The following DUSP22 variants were observed in gnomAD, a reference collection of about 807,000 sequenced individuals.
DUSP22 encodes dual specificity protein phosphatase 22.
Under a neutral mutation model 24.5 loss-of-function variants are expected in DUSP22, and 24 were observed. The ratio of observed to expected loss-of-function variants is 0.98; its 90% confidence interval spans 0.71 to 1.38. The LOEUF (loss-of-function observed/expected upper bound fraction) is 1.38, where lower values mean the gene tolerates loss of function less well. DUSP22 is among the 40% of genes most tolerant of loss of function. The pLI, the probability that DUSP22 is intolerant of heterozygous loss-of-function variation, is 0.00. For synonymous variants in DUSP22, 160 were observed against 106.4 expected, an observed-to-expected ratio of 1.50 and a Z score of -3.10; for missense variants, 330 against 269.2, an observed-to-expected ratio of 1.23 and a Z score of -1.58.
At chr6:301,756 A>G (rs1441378176) in intron 1 of DUSP22, among the ~76,000 whole-genome samples, 1 of 152,294 alleles carries the variant, frequency 6.6e-6, no homozygotes, top group African/African-American at 2.4e-5. Flanking sequence ...AGGTGGCACC[A>G]TCAGGGGCAG....
At position 350,140 on chromosome 6, in the gene DUSP22, T is replaced by G. The variant is rs1760122587; in HGVS notation, c.*1189T>G. On this transcript the variant is annotated 3_prime_UTR_variant, in exon 7 of 7. Transcript: ENST00000419235. ...GTGTTTTTTGGTATGCAAGTCAGCTTTGCCTCACAGTTGAAAATGTTCGGT... is the reference window on the plus strand; with the variant it reads ...GTGTTTTTTGGTATGCAAGTCAGCTGTGCCTCACAGTTGAAAATGTTCGGT... 5.1e-6 allele frequency: 5 copies of G among 986,186 alleles called. No homozygotes were observed. The highest frequency in any genetic ancestry group is 6.0e-6 in the Non-Finnish European group (5 of 830,470). The allele number at this position is 986,186 out of a possible 1,614,324, so 61.1% of individuals were successfully genotyped here. A position where few individuals can be genotyped will look rare whatever the true frequency, so the allele number is the denominator to read the frequency against.
chr6:338,607 G>A (rs575641912), intron 4 of DUSP22, among the ~76,000 whole-genome samples: 8 of 152,412 alleles, frequency 5.2e-5, no homozygotes, highest in Admixed American at 4.6e-4. Context: ...ACTGTGTTCT[G>A]CAGGACCTAA....
At chr6:327,210 GC>G (rs1411072918) in intron 3 of DUSP22, among the ~76,000 whole-genome samples, 2 of 152,306 alleles carry the variant, frequency 1.3e-5, no homozygotes, top group African/African-American at 2.4e-5. Flanking sequence ...GGGCTGGGTA[GC>G]CCCCAGTTTA....
intron 4 of DUSP22, among the ~76,000 whole-genome samples, chr6:344,641 G>T (rs939814932): frequency 1.6e-4 from 25 of 152,406 alleles, no homozygotes; most frequent in Admixed American, 1.6e-3. Flanking sequence ...TACCTCATCT[G>T]CCCTGTGAGA....
intron 1 of DUSP22, among the ~76,000 whole-genome samples, chr6:293,273 G>C (rs1757178415): frequency 6.6e-6 from 1 of 152,290 alleles, no homozygotes; most frequent in Non-Finnish European, 1.5e-5. Context: ...CGGGCGGTGG[G>C]CTAGCCTTTC....
chr6:300,094 A>G (rs2127390286), intron 1 of DUSP22, among the ~76,000 whole-genome samples: 1 of 152,420 alleles, frequency 6.6e-6, no homozygotes, highest in Non-Finnish European at 1.5e-5. Context: ...CAGCCCACAG[A>G]TGGGTTTAGT....
At chr6:319,730 G>A (rs1051620532) in intron 3 of DUSP22, among the ~76,000 whole-genome samples, 1 of 152,304 alleles carries the variant, frequency 6.6e-6, no homozygotes, top group African/African-American at 2.4e-5. Flanking sequence ...TGTTTGACCT[G>A]GAATGGTTTT....
intron 2 of DUSP22, among the ~76,000 whole-genome samples, chr6:309,711 CACACACATACT>C (rs1757983009): frequency 2.7e-5 from 1 of 37,140 alleles, no homozygotes; most frequent in African/African-American, 1.2e-4. Flanking sequence ...CACACACACA[CACACACATACT>C]ATAAAGAAGG....
chr6:326,009 T>C, intron 3 of DUSP22: 1 of 227,790 alleles, frequency 4.4e-6, no homozygotes, highest in Non-Finnish European at 8.4e-6. Context: ...TGGAGAGTCA[T>C]CTGCCCTGGG....
rs201371122 is a variant in DUSP22 at position 322,831 on chromosome 6, GGGGC to G, written c.138+10873_138+10876del. Among the ~76,000 whole-genome samples the G allele has an allele frequency of 2.4e-3, 266 of 108,840 alleles. 1 individual carries two copies. Among genetic ancestry groups the G allele is most frequent in the Non-Finnish European group, 4.4e-3 (214 of 48,712 alleles). 71.4% of individuals were successfully genotyped at this position (108,840 alleles called of 152,430 possible). A position where few individuals can be genotyped will look rare whatever the true frequency, so the allele number is the denominator to read the frequency against. ...ATTCCGTGGGTTATGGCTGCTTGGT[GGGGC>G]GGGGGGGGGCCTTCGAGTCTGCAAT... On this transcript the variant is annotated intron_variant, in intron 3 of 6. Transcript: ENST00000419235.
chr6:346,567 T>C (rs982899475), intron 5 of DUSP22, among the ~76,000 whole-genome samples: 3 of 152,306 alleles, frequency 2.0e-5, no homozygotes, highest in African/African-American at 7.2e-5. Flanking sequence ...GATGGCATTT[T>C]TATGACCACT....
At chr6:304,941 A>G (rs1276762031) in intron 2 of DUSP22, among the ~76,000 whole-genome samples, 2 of 152,312 alleles carry the variant, frequency 1.3e-5, no homozygotes, top group East Asian at 1.9e-4. Flanking sequence ...TAGTGAAATC[A>G]TGCAGTATTT....
intron 4 of DUSP22, among the ~76,000 whole-genome samples, chr6:344,765 T>TG (rs1461112800): frequency 1.3e-5 from 2 of 152,304 alleles, no homozygotes; most frequent in African/African-American, 2.4e-5. Flanking sequence ...AGCTCTCCAC[T>TG]GAGCTGCAGA....
intron 2 of DUSP22, among the ~76,000 whole-genome samples, chr6:309,385 T>G (rs1221710636): frequency 6.6e-6 from 1 of 152,292 alleles, no homozygotes; most frequent in African/African-American, 2.4e-5. Flanking sequence ...TTAGGCAAAA[T>G]ACTTGAAAAC....
At chr6:328,236 C>A (rs1242342222) in intron 3 of DUSP22, among the ~76,000 whole-genome samples, 1 of 152,412 alleles carries the variant, frequency 6.6e-6, no homozygotes, top group East Asian at 1.9e-4. Flanking sequence ...TCATGAGTCA[C>A]AATTGTGTAC....
intron 3 of DUSP22, among the ~76,000 whole-genome samples, chr6:321,352 C>T (rs1448947274): frequency 1.9e-4 from 29 of 152,406 alleles, no homozygotes; most frequent in African/African-American, 6.3e-4. Flanking sequence ...TAAGCAGAGA[C>T]CCAGCAAAGA....
At chr6:317,255 GC>G (rs1434846281) in intron 3 of DUSP22, among the ~76,000 whole-genome samples, 1 of 152,300 alleles carries the variant, frequency 6.6e-6, no homozygotes, top group Admixed American at 6.5e-5. Flanking sequence ...TCAGTGCCCA[GC>G]GGCCACGTGG....
At position 339,164 on chromosome 6, in the gene DUSP22, A is replaced by C. The variant is rs569707997; in HGVS notation, c.188+4001A>C. 2.0e-5 allele frequency among the ~76,000 whole-genome samples: 3 copies of C among 152,426 alleles called. No individual in the cohort carries two copies. The East Asian group carries it at 5.8e-4, about 29-fold the overall frequency. ...TTAGAGGCGTCCTAGAGTTTGTATC[A>C]AATGCACACACTGCGTGTTCCCCAA... On this transcript the variant is annotated intron_variant, in intron 4 of 6. Coordinates refer to ENST00000419235, the MANE Select transcript of DUSP22 (RefSeq NM_001286555.3).
intron 3 of DUSP22, among the ~76,000 whole-genome samples, chr6:333,065 A>G (rs925751886): frequency 3.5e-4 from 53 of 152,284 alleles, no homozygotes; most frequent in Non-Finnish European, 7.1e-4. Flanking sequence ...ACTTTTAACA[A>G]TAATACTTCC....
Sources: allele counts gnomAD v4.1 joint callset (sites outside exome capture counted in the v4.1 genomes callset), GRCh38; gene constraint gnomAD v4.1.1; transcripts MANE v1.5; gene names NCBI Gene and HGNC (gene_info 2026-07-23, HGNC 2026-07-21).